Variants in PLCB1 observed in about 807,000 individuals in gnomAD.
PLCB1 encodes the protein 1-phosphatidylinositol 4,5-bisphosphate phosphodiesterase beta-1.
A neutral mutation model predicts 161.8 loss-of-function variants in PLCB1; 46 were observed. The ratio of observed to expected loss-of-function variants is 0.28; its 90% CI spans 0.22 to 0.36. PLCB1 has a LOEUF of 0.36. Among genes scored for constraint, PLCB1 ranks in the 10% least tolerant of loss-of-function variants. The pLI, the probability that PLCB1 is intolerant of heterozygous loss-of-function variation, is 1.00. For missense variants in PLCB1, 1,016 were observed against 1,472.5 expected, an observed-to-expected ratio of 0.69 and a Z score of 5.07; for synonymous variants, 517 against 503.7, an observed-to-expected ratio of 1.03 and a Z score of -0.35.
At chr20:8,806,633 G>A (rs1209941406) in intron 31 of PLCB1, among the ~76,000 whole-genome samples, 2 of 152,094 alleles carry the variant, frequency 1.3e-5, no homozygotes, top group African/African-American at 4.8e-5. Flanking sequence ...CAGAATCCTT[G>A]TTAACTAACC....
chr20:8,732,233 AAAAGGAATAATAGAATCCTCTTTT>A (rs1169959679), intron 18 of PLCB1: 1 of 152,116 alleles, frequency 6.6e-6, no homozygotes, highest in Non-Finnish European at 1.5e-5. Context: ...AAAAAGCAGG[AAAAGGAATAATAGAATCCTCTTTT>A]AATGAGGCAT....
At chr20:8,389,184 G>T (rs1297426521) in intron 3 of PLCB1, among the ~76,000 whole-genome samples, 1 of 152,192 alleles carries the variant, frequency 6.6e-6, no homozygotes, top group Admixed American at 6.6e-5. Context: ...TTTGAGAAGA[G>T]GTTGGTGTAT....
At chr20:8,184,351 C>T (rs1411099508) in intron 2 of PLCB1, among the ~76,000 whole-genome samples, 1 of 151,908 alleles carries the variant, frequency 6.6e-6, no homozygotes, top group Non-Finnish European at 1.5e-5. Flanking sequence ...CTAAAAGATC[C>T]CTCTAAAGTT....
chr20:8,378,589 C>T (rs1328991713), intron 3 of PLCB1, among the ~76,000 whole-genome samples: 1 of 152,174 alleles, frequency 6.6e-6, no homozygotes, highest in Non-Finnish European at 1.5e-5. Context: ...TCAAAGGCTG[C>T]TGGCCATTCA....
intron 1 of PLCB1, among the ~76,000 whole-genome samples, chr20:8,136,555 G>A (rs6118084): frequency 6.6e-6 from 1 of 151,768 alleles, no homozygotes; most frequent in Middle Eastern, 3.2e-3. Flanking sequence ...GAACCTGGGA[G>A]GCGGAGCTTG....
chr20:8,354,853 G>A (rs1228236883), intron 2 of PLCB1, among the ~76,000 whole-genome samples: 2 of 152,180 alleles, frequency 1.3e-5, no homozygotes, highest in Non-Finnish European at 2.9e-5. Flanking sequence ...TTTAGTAACA[G>A]TGAAAATTCC....
At chr20:8,396,958 C>T (rs1199685241) in intron 3 of PLCB1, among the ~76,000 whole-genome samples, 7 of 151,982 alleles carry the variant, frequency 4.6e-5, no homozygotes, top group African/African-American at 1.7e-4. Context: ...ATAGGTAAAT[C>T]TGAAGCAGAT....
intron 25 of PLCB1, among the ~76,000 whole-genome samples, chr20:8,761,297 G>A (rs1289171069): frequency 6.6e-6 from 1 of 152,110 alleles, no homozygotes; most frequent in Non-Finnish European, 1.5e-5. Context: ...ATACTTGGTG[G>A]GAGACAGGAA....
chr20:8,741,492 C>A lies in PLCB1; in HGVS notation c.2442C>A (p.Ile814=). 1 of 1,613,448 alleles carries A rather than the reference C, an allele frequency of 6.2e-7. No homozygotes were observed. The highest frequency in any genetic ancestry group is 1.1e-5 in the South Asian group (1 of 91,058). ...ADVIEALSNP[I]RYVNLMEQRA... ...TCATCGAAGCTTTATCAAACCCAAT[C>A]CGATATGTGAACCTGATGGAACAGA... Residue 814 remains isoleucine, a synonymous_variant, in exon 23 of 32, where the codon ATC becomes ATA. Coordinates refer to ENST00000338037, the MANE Select transcript of PLCB1 (RefSeq NM_015192.4).
At chr20:8,674,225 G>A (rs1990020860) in intron 9 of PLCB1, among the ~76,000 whole-genome samples, 1 of 152,192 alleles carries the variant, frequency 6.6e-6, no homozygotes, top group Non-Finnish European at 1.5e-5. Flanking sequence ...TAAATGCTAT[G>A]GAGAAATATA....
At chr20:8,604,822 T>C (rs1056148324) in intron 3 of PLCB1, among the ~76,000 whole-genome samples, 7 of 152,184 alleles carry the variant, frequency 4.6e-5, no homozygotes, top group Non-Finnish European at 1.0e-4. Context: ...TTTTATTTTA[T>C]AATATGATCT....
rs139393772 is a variant in PLCB1 at position 8,333,947 on chromosome 20, C to T, written c.178-37435C>T. 5.0e-3 allele frequency among the ~76,000 whole-genome samples: 763 copies of T among 152,338 alleles called. 4 individuals carry two copies. The highest frequency in any genetic ancestry group is 0.017 in the African/African-American group (711 of 41,568). On this transcript the variant is annotated intron_variant, in intron 2 of 31. Transcript: ENST00000338037. The stretch of plus-strand genomic sequence containing the variant: ...GCTTTGGGCCTGGCGCGGTGGCTCA[C>T]GCCTATAATCCCAGCACTTTGGGAA...
intron 3 of PLCB1, among the ~76,000 whole-genome samples, chr20:8,416,312 A>G (rs971184096): frequency 2.0e-5 from 3 of 151,618 alleles, no homozygotes; most frequent in African/African-American, 7.3e-5. Context: ...TATACATAGC[A>G]CAGTGAGTTC....
chr20:8,343,625 A>T (rs1344166991), intron 2 of PLCB1, among the ~76,000 whole-genome samples: 3 of 152,182 alleles, frequency 2.0e-5, no homozygotes, highest in Non-Finnish European at 4.4e-5. Flanking sequence ...CATTTAGTAT[A>T]CTTCCAGGCT....
At chr20:8,621,845 A>G (rs1227866475) in intron 3 of PLCB1, among the ~76,000 whole-genome samples, 1 of 152,226 alleles carries the variant, frequency 6.6e-6, no homozygotes, top group African/African-American at 2.4e-5. Context: ...ATCTTTCAGC[A>G]CCTCATGTGA....
At chr20:8,619,497 TTAAAA>T (rs1988121691) in intron 3 of PLCB1, among the ~76,000 whole-genome samples, 1 of 152,180 alleles carries the variant, frequency 6.6e-6, no homozygotes, top group African/African-American at 2.4e-5. Context: ...CATAGCATTC[TTAAAA>T]TAAGTAATCA....
intron 2 of PLCB1, among the ~76,000 whole-genome samples, chr20:8,189,340 T>TAA (rs1396094364): frequency 3.4e-5 from 5 of 148,206 alleles, no homozygotes; most frequent in Admixed American, 6.7e-5. Context: ...TATATATATA[T>TAA]AAAACATAAT....
chr20:8,723,608 A>G (rs1600277318), intron 15 of PLCB1, among the ~76,000 whole-genome samples: 1 of 152,288 alleles, frequency 6.6e-6, no homozygotes, highest in South Asian at 2.1e-4. Context: ...GCACTGTTCT[A>G]AGCTCCTTCA....
At chr20:8,820,722 A>T (rs942493280) in intron 31 of PLCB1, among the ~76,000 whole-genome samples, 1 of 152,174 alleles carries the variant, frequency 6.6e-6, no homozygotes, top group African/African-American at 2.4e-5. Flanking sequence ...AAAAGAAATG[A>T]AAAATAACCC....
Sources: allele counts gnomAD v4.1 joint callset (sites outside exome capture counted in the v4.1 genomes callset), GRCh38; gene constraint gnomAD v4.1.1; transcripts MANE v1.5; gene names NCBI Gene and HGNC (gene_info 2026-07-23, HGNC 2026-07-21).